AP3B1: variants seen among roughly 807,000 people sequenced by gnomAD.
AP3B1 encodes the protein adaptor related protein complex 3 subunit beta 1, also known as AP-3 complex subunit beta-1.
A neutral mutation model predicts 132.5 loss-of-function variants in AP3B1; 61 were observed. The observed-to-expected ratio is 0.46, with a 90% CI of 0.37 to 0.57. AP3B1 has a LOEUF of 0.57. Among genes scored for constraint, AP3B1 ranks in the 20% least tolerant of loss-of-function variants. AP3B1 has a pLI of 0.00. For synonymous variants in AP3B1, 388 were observed against 438.3 expected (o/e 0.89, Z 1.43); for missense variants, 1,120 against 1,289.4 (o/e 0.87, Z 2.01).
intron 20 of AP3B1, among the ~76,000 whole-genome samples, chr5:78,105,436 A>G (rs1226612596): frequency 1.3e-5 from 2 of 152,296 alleles, no homozygotes; most frequent in East Asian, 1.9e-4. Context: ...TTTAACTACA[A>G]GCAGAATATA....
intron 22 of AP3B1, among the ~76,000 whole-genome samples, chr5:78,067,953 G>GAAAA (rs113086510): frequency 7.1e-6 from 1 of 141,668 alleles, no homozygotes; most frequent in Admixed American, 6.9e-5. Flanking sequence ...AAAACCCTTC[G>GAAAA]AAAAAAAAAA....
rs1743487797 is a variant in AP3B1, at chr5:78,163,640, CATATATA to C, written c.1231-696_1231-690del. On this transcript the variant is annotated intron_variant, in intron 12 of 26. Transcript: ENST00000255194. ...GTATATATAGTATATATATAGTATA[CATATATA>C]TATATACACACACACACATATATAT... 2.1e-5 allele frequency among the ~76,000 whole-genome samples: 3 copies of C among 142,576 alleles called. No individual in the cohort carries two copies. In the East Asian group the frequency reaches 6.1e-4, roughly 29 times the overall value. 93.5% of individuals were successfully genotyped at this position (142,576 alleles called of 152,430 possible).
intron 2 of AP3B1, among the ~76,000 whole-genome samples, chr5:78,252,649 G>A (rs1032489622): frequency 2.0e-4 from 31 of 152,176 alleles, no homozygotes; most frequent in African/African-American, 7.5e-4. Flanking sequence ...AGAAAGGGGA[G>A]GAAGAGTGGG....
In AP3B1 at chr5:78,190,945, T is replaced by C. The variant is rs112148994; in HGVS notation, c.787-9283A>G. Among the ~76,000 whole-genome samples the C allele has an allele frequency of 3.3e-5, 5 of 152,304 alleles. 1 individual carries two copies. The highest frequency in any genetic ancestry group is 1.2e-4 in the African/African-American group (5 of 41,574). On this transcript the variant is annotated intron_variant, in intron 7 of 26. Coordinates refer to ENST00000255194, the MANE Select transcript of AP3B1 (RefSeq NM_003664.5). ...AGAAGTTGCCTCATACTTGAGGATTTATAAATGTATTATGAGGCTCTTACA... is the reference window on the plus strand; with the variant it reads ...AGAAGTTGCCTCATACTTGAGGATTCATAAATGTATTATGAGGCTCTTACA...
At chr5:78,113,140 G>A (rs751078344) in intron 19 of AP3B1, among the ~76,000 whole-genome samples, 3 of 152,176 alleles carry the variant, frequency 2.0e-5, no homozygotes, top group South Asian at 2.1e-4. Flanking sequence ...GCAGGCTCCC[G>A]GGGAAAGGAC....
chr5:78,089,349 G>T, intron 22 of AP3B1, 44 bp downstream of exon 22: 1 of 1,332,536 alleles, frequency 7.5e-7, no homozygotes, highest in Non-Finnish European at 1.1e-6. Flanking sequence ...AGATACAATG[G>T]CAACATAAGA....
rs577604377 is a variant in AP3B1, at chr5:78,156,304, T to C, written c.1427A>G (p.His476Arg). Residue 476 changes from histidine (H) to arginine (R), a missense_variant, in exon 14 of 27, where the codon CAT becomes CGT. This residue lies in a region of AP3B1 where 906 missense variants were observed against 997.1 expected (regional missense o/e 0.91). Coordinates refer to ENST00000255194, the MANE Select transcript of AP3B1 (RefSeq NM_003664.5). ...GGCCATATGTTTAATAATTTCACCATGTTGTGCAGGTTGCATTTGCAGTAA... is the reference window on the plus strand; with the variant it reads ...GGCCATATGTTTAATAATTTCACCACGTTGTGCAGGTTGCATTTGCAGTAA... The part of the protein sequence containing the change: ...KKLLQMQPAQ[H>R]GEIIKHMAKL... 6.2e-6 allele frequency: 10 copies of C among 1,613,840 alleles called. No homozygotes were observed. The South Asian group carries it at 9.9e-5, about 16-fold the overall frequency.
chr5:78,255,748 T>A (rs1207817588), intron 2 of AP3B1, among the ~76,000 whole-genome samples: 1 of 152,110 alleles, frequency 6.6e-6, no homozygotes, highest in African/African-American at 2.4e-5. Flanking sequence ...ATGAATCTAA[T>A]ACATATTTAC....
At chr5:78,278,627 G>GAAAAAA (rs1561217276) in intron 1 of AP3B1, among the ~76,000 whole-genome samples, 33 of 30,482 alleles carry the variant, frequency 1.1e-3, no homozygotes, top group African/African-American at 2.4e-3. Flanking sequence ...AAAAAAAAAG[G>GAAAAAA]GGGGGGGGGA....
intron 17 of AP3B1, among the ~76,000 whole-genome samples, chr5:78,118,516 A>G (rs1235814987): frequency 2.0e-5 from 3 of 152,224 alleles, no homozygotes; most frequent in Non-Finnish European, 4.4e-5. Context: ...ACGGCACACC[A>G]GGAGATTATA....
intron 22 of AP3B1, among the ~76,000 whole-genome samples, chr5:78,080,272 G>A (rs1292002659): frequency 1.3e-5 from 2 of 152,106 alleles, no homozygotes; most frequent in Non-Finnish European, 2.9e-5. Context: ...GCCTCCCAAA[G>A]TGCTGGGATT....
At chr5:78,076,260 T>C (rs891058678) in intron 22 of AP3B1, among the ~76,000 whole-genome samples, 10 of 152,338 alleles carry the variant, frequency 6.6e-5, no homozygotes, top group African/African-American at 1.9e-4. Context: ...CTATAAACTT[T>C]CTCAGGGCAA....
chr5:78,197,330 A>C (rs1380184662), intron 7 of AP3B1, among the ~76,000 whole-genome samples: 4 of 152,148 alleles, frequency 2.6e-5, no homozygotes, highest in Non-Finnish European at 4.4e-5. Flanking sequence ...TTGCTCTAAA[A>C]CATTCACTTT....
chr5:78,142,069 G>T (rs748307885), intron 14 of AP3B1, among the ~76,000 whole-genome samples: 1 of 152,070 alleles, frequency 6.6e-6, no homozygotes, highest in Non-Finnish European at 1.5e-5. Flanking sequence ...AGATCATCAA[G>T]GTCTGCTTAT....
rs562586237 is a variant in AP3B1 at position 78,233,033 on chromosome 5, A to C, written c.280-4794T>G. Among the ~76,000 whole-genome samples the C allele has an allele frequency of 2.0e-5, 3 of 152,064 alleles. No homozygotes were observed. In the East Asian group the frequency reaches 5.9e-4, roughly 30 times the overall value. On this transcript the variant is annotated intron_variant, in intron 3 of 26. Transcript: ENST00000255194. ...CCTTCATCTATGTTTTTCAATTGCT[A>C]ACACTACAATTATAAAATTCAGGAA...
intron 22 of AP3B1, among the ~76,000 whole-genome samples, chr5:78,084,840 T>TA (rs1750170478): frequency 6.6e-6 from 1 of 152,080 alleles, no homozygotes; most frequent in Non-Finnish European, 1.5e-5. Context: ...ACAGTACAAT[T>TA]GTACAATTTT....
intron 21 of AP3B1, among the ~76,000 whole-genome samples, chr5:78,094,767 G>A (rs915586591): frequency 1.3e-5 from 2 of 151,804 alleles, no homozygotes; most frequent in Non-Finnish European, 2.9e-5. Context: ...TGGAACCTCC[G>A]CCTCCCAGGT....
intron 22 of AP3B1, among the ~76,000 whole-genome samples, chr5:78,068,569 C>T (rs1038564539): frequency 6.6e-6 from 1 of 151,846 alleles, no homozygotes; most frequent in African/African-American, 2.4e-5. Flanking sequence ...AAGTTGAATC[C>T]CTGAACAGAT....
intron 22 of AP3B1, chr5:78,043,399 G>C (rs1373326890): frequency 5.2e-6 from 1 of 192,592 alleles, no homozygotes; most frequent in Admixed American, 6.2e-5. Flanking sequence ...CAAAGTCCTG[G>C]GATTACAGGC....
Sources: allele counts gnomAD v4.1 joint callset (sites outside exome capture counted in the v4.1 genomes callset), GRCh38; gene constraint gnomAD v4.1.1; regional missense constraint gnomAD v4.1.1; transcripts MANE v1.5; gene names NCBI Gene and HGNC (gene_info 2026-07-23, HGNC 2026-07-21).